Variants in SPTLC3 observed in about 807,000 individuals in gnomAD.
SPTLC3 encodes the protein serine palmitoyltransferase 3.
SPTLC3 carries 36 observed loss-of-function variants against 59.3 expected under a neutral mutation model. The observed-to-expected ratio is 0.61, with a 90% CI of 0.47 to 0.80. The LOEUF (loss-of-function observed/expected upper bound fraction) is 0.80. SPTLC3 is among the 30% of genes least tolerant of loss of function. The pLI, the probability that SPTLC3 is intolerant of heterozygous loss-of-function variation, is 0.00. For missense variants in SPTLC3, 625 were observed against 685.1 expected (o/e 0.91, Z 0.98); for synonymous variants, 257 against 240.8 (o/e 1.07, Z -0.62).
At chr20:13,095,934 T>C (rs760946620) in intron 6 of SPTLC3, among the ~76,000 whole-genome samples, 1 of 152,098 alleles carries the variant, frequency 6.6e-6, no homozygotes, top group Non-Finnish European at 1.5e-5. Flanking sequence ...TGAAGGACTA[T>C]AAAAGTGATA....
chr20:13,070,343 G>A (rs1988390710), intron 2 of SPTLC3, among the ~76,000 whole-genome samples: 2 of 152,152 alleles, frequency 1.3e-5, no homozygotes, highest in Non-Finnish European at 2.9e-5. Context: ...AAATGATGCT[G>A]TTGTCACCAA....
At chr20:13,112,786 T>C (rs1314341851) in intron 7 of SPTLC3, among the ~76,000 whole-genome samples, 2 of 152,178 alleles carry the variant, frequency 1.3e-5, no homozygotes, top group Non-Finnish European at 2.9e-5. Flanking sequence ...GGCTTCAATT[T>C]CCTCATCTGT....
chr20:13,129,220 G>A (rs776376230), intron 9 of SPTLC3, among the ~76,000 whole-genome samples: 44 of 152,022 alleles, frequency 2.9e-4, no homozygotes, highest in Non-Finnish European at 5.9e-4. Flanking sequence ...CATGCTGGTC[G>A]GGAACACCTG....
intron 9 of SPTLC3, among the ~76,000 whole-genome samples, chr20:13,129,966 T>A (rs1272304962): frequency 6.6e-6 from 1 of 151,760 alleles, no homozygotes; most frequent in Non-Finnish European, 1.5e-5. Context: ...GAATGCTATG[T>A]GTATGGTCTG....
intron 9 of SPTLC3, among the ~76,000 whole-genome samples, chr20:13,150,822 T>C (rs1397985726): frequency 4.6e-5 from 7 of 152,348 alleles, no homozygotes; most frequent in Non-Finnish European, 1.5e-5. Context: ...ATTGCACCTG[T>C]TTCCTAAGCC....
chr20:13,152,603 A>T (rs1210766194), intron 9 of SPTLC3, among the ~76,000 whole-genome samples: 1 of 152,134 alleles, frequency 6.6e-6, no homozygotes, highest in Non-Finnish European at 1.5e-5. Flanking sequence ...CCATGCTTAG[A>T]CTTCTTCCTC....
At chr20:13,023,244 T>C (rs1985980258) in intron 1 of SPTLC3, among the ~76,000 whole-genome samples, 1 of 148,036 alleles carries the variant, frequency 6.8e-6, no homozygotes, top group Admixed American at 6.7e-5. Context: ...CTCTTTAGCA[T>C]TTAAAAACAT....
chr20:13,115,140 T>G (rs1400903329), intron 7 of SPTLC3, among the ~76,000 whole-genome samples: 1 of 152,210 alleles, frequency 6.6e-6, no homozygotes, highest in African/African-American at 2.4e-5. Flanking sequence ...TTTGGCACTG[T>G]TTTTTGACAG....
At chr20:13,019,670 T>C (rs913292661) in intron 1 of SPTLC3, among the ~76,000 whole-genome samples, 1 of 152,284 alleles carries the variant, frequency 6.6e-6, no homozygotes, top group Middle Eastern at 3.4e-3. Flanking sequence ...CTGGTGATAT[T>C]TATTGACCAA....
chr20:13,055,687 C>T lies in SPTLC3; in HGVS notation c.303+6557C>T, dbSNP rs200612346. 1.7e-4 allele frequency among the ~76,000 whole-genome samples: 26 copies of T among 152,148 alleles called. No individual in the cohort carries two copies. The East Asian group carries it at 2.3e-3, about 14-fold the overall frequency. On this transcript the variant is annotated intron_variant, in intron 2 of 11. Transcript: ENST00000399002. ...TTACATTTTATCAGGAAAAAAAATA[C>T]ACATGAAGAGTTGTTTCCTAGAAAG...
intron 9 of SPTLC3, among the ~76,000 whole-genome samples, chr20:13,133,740 C>T (rs551083540): frequency 1.3e-5 from 2 of 152,130 alleles, no homozygotes; most frequent in East Asian, 1.9e-4. Context: ...AGCCAGCAGA[C>T]GAGATATGGG....
At position 13,009,405 on chromosome 20, in the gene SPTLC3, C is replaced by T. The variant is rs753983629; in HGVS notation, c.117+21C>T. The T allele has an allele frequency of 2.5e-6, 4 of 1,586,394 alleles. No individual in the cohort carries two copies. In the East Asian group the frequency reaches 8.9e-5, roughly 35 times the overall value. On this transcript the variant is annotated intron_variant, in intron 1 of 11. Coordinates refer to ENST00000399002, the MANE Select transcript of SPTLC3 (RefSeq NM_018327.4). ...CCCAGGTAAGAGGCACTCTCCCCTA[C>T]TCTTCTCTGAATTACCTGAACGTTT...
At chr20:13,089,392 C>T (rs55740854) in intron 4 of SPTLC3, among the ~76,000 whole-genome samples, 41,236 of 152,064 alleles carry the variant, frequency 0.27, 5,795 homozygotes, top group Middle Eastern at 0.35. Context: ...TTCTAATAGC[C>T]ATATTTAATA....
At chr20:13,077,834 T>C (rs913744014) in intron 4 of SPTLC3, among the ~76,000 whole-genome samples, 2 of 151,798 alleles carry the variant, frequency 1.3e-5, no homozygotes, top group African/African-American at 4.8e-5. Flanking sequence ...CAAGCTGGAA[T>C]GCAGTGGTGT....
At chr20:13,072,508 G>C in intron 3 of SPTLC3, 98 bp downstream of exon 3, 1 of 1,325,200 alleles carries the variant, frequency 7.5e-7, no homozygotes, top group Non-Finnish European at 1.0e-6. Flanking sequence ...ACAAGGCATG[G>C]AAGCCATTGG....
chr20:13,042,144 A>G (rs6033591), intron 1 of SPTLC3, among the ~76,000 whole-genome samples: 21,491 of 152,144 alleles, frequency 0.14, 2,291 homozygotes, highest in African/African-American at 0.3. Flanking sequence ...AATTTCCCTG[A>G]TTCTCTCTGG....
At chr20:13,051,791 A>G (rs6041808) in intron 2 of SPTLC3, among the ~76,000 whole-genome samples, 151,607 of 152,270 alleles carry the variant, frequency 1, 75,477 homozygotes, top group Middle Eastern at 1. Context: ...AGGAACCTTC[A>G]AAACCATGCA....
intron 4 of SPTLC3, among the ~76,000 whole-genome samples, chr20:13,088,784 A>ATTTTTTTTTTTTTTTTTTTTT (rs375680092): frequency 8.9e-6 from 1 of 111,888 alleles, no homozygotes. Flanking sequence ...GCACCCGGCT[A>ATTTTTTTTTTTTTTTTTTTTT]TTTTTTTTTT....
At chr20:13,100,774 A>G (rs756522430) in intron 6 of SPTLC3, among the ~76,000 whole-genome samples, 29 of 152,148 alleles carry the variant, frequency 1.9e-4, no homozygotes, top group Non-Finnish European at 4.1e-4. Context: ...CATTATCCTC[A>G]TTTTATTAAA....
Sources: allele counts gnomAD v4.1 joint callset (sites outside exome capture counted in the v4.1 genomes callset), GRCh38; gene constraint gnomAD v4.1.1; transcripts MANE v1.5; gene names NCBI Gene and HGNC (gene_info 2026-07-23, HGNC 2026-07-21).